The following RNF213 variants were observed in gnomAD, a reference collection of about 807,000 sequenced individuals.
RNF213 encodes E3 ubiquitin-protein ligase RNF213.
Under a neutral mutation model 514.4 loss-of-function variants are expected in RNF213, and 341 were observed. That is an observed-to-expected ratio of 0.66 (90% confidence interval 0.61 to 0.73). The LOEUF (loss-of-function observed/expected upper bound fraction) is 0.73. Among genes scored for constraint, RNF213 ranks in the 30% least tolerant of loss-of-function variants. The probability of loss-of-function intolerance (pLI) is 0.00; values close to 1 mark genes in which losing one functional copy is unlikely to be tolerated. For synonymous variants in RNF213, 2,655 were observed against 2,658.2 expected, an observed-to-expected ratio of 1.00 and a Z score of 0.04; for missense variants, 5,767 against 6,615.6, an observed-to-expected ratio of 0.87 and a Z score of 4.45.
intron 23 of RNF213, among the ~76,000 whole-genome samples, chr17:80,337,150 G>A (rs570164642): frequency 1.3e-5 from 2 of 152,260 alleles, no homozygotes; most frequent in South Asian, 4.1e-4. Context: ...TTCTCTTATT[G>A]TACTTGGGGA....
rs774391200 is a variant in RNF213 at position 80,289,681 on chromosome 17, A to T, written c.956A>T (p.Asp319Val). The T allele has an allele frequency of 3.1e-6, 5 of 1,613,994 alleles. No homozygotes were observed. The Admixed American group carries it at 8.3e-5, about 27-fold the overall frequency. Residue 319 changes from aspartate (D) to valine (V), a missense_variant, in exon 6 of 68, where the codon GAC becomes GTC. Transcript: ENST00000582970. The stretch of plus-strand genomic sequence containing the variant: ...CAGGAAGCTGAGACCAAGACCAAGG[A>T]CGAGATGGCTGCTGCTGAAGAAAAA... Reference protein sequence around the residue: ...HCQEAETKTKDEMAAAEEKVG... With the variant: ...HCQEAETKTKVEMAAAEEKVG...
intron 2 of RNF213, among the ~76,000 whole-genome samples, chr17:80,272,720 T>C (rs576058424): frequency 4.1e-4 from 62 of 151,798 alleles, no homozygotes; most frequent in African/African-American, 1.5e-3. Context: ...GCTGGCAGAG[T>C]GGGTGCTCCA....
intron 47 of RNF213, 49 bp from the exon 48 acceptor site, chr17:80,372,472 C>A: frequency 7.3e-7 from 1 of 1,374,184 alleles, no homozygotes; most frequent in Non-Finnish European, 1.0e-6. Context: ...TTGGGGCATC[C>A]ATGTTTAAAA....
intron 37 of RNF213, among the ~76,000 whole-genome samples, chr17:80,359,524 CAAAAAAAAAAAAAA>C (rs559552051): frequency 3.1e-5 from 1 of 32,488 alleles, no homozygotes; most frequent in Non-Finnish European, 5.0e-5. Context: ...GACTCTATCT[CAAAAAAAAAAAAAA>C]AAAAAAAAAA....
At chr17:80,349,408 G>A (rs1047451219) in intron 29 of RNF213, among the ~76,000 whole-genome samples, 3 of 152,176 alleles carry the variant, frequency 2.0e-5, no homozygotes, top group African/African-American at 7.2e-5. Flanking sequence ...CACCAACCAC[G>A]AACTCCATCT....
chr17:80,294,604 C>T, intron 8 of RNF213, 116 bp from the exon 9 acceptor site: 1 of 1,298,720 alleles, frequency 7.7e-7, no homozygotes, highest in South Asian at 1.2e-5. Context: ...TCCTCCCTTC[C>T]TCTGCCCCAT....
At chr17:80,358,710 A>G (rs2078927129) in intron 37 of RNF213, among the ~76,000 whole-genome samples, 1 of 152,150 alleles carries the variant, frequency 6.6e-6, no homozygotes, top group Non-Finnish European at 1.5e-5. Flanking sequence ...AGAGATCAAG[A>G]CCGTCCTGGC....
rs1456841132 is a variant in RNF213, at chr17:80,288,403, G to T, written c.810+40G>T. On this transcript the variant is annotated intron_variant, in intron 4 of 67. Transcript: ENST00000582970. This position sits in a 1 kb window ranked among gnomAD's most constrained non-coding sequence, Gnocchi z 4.9. ...AGAGATGGCCTGGGAGTGGCACTGA[G>T]CCCTCGGCACCTGGGCTCTGCTGCA... The T allele has an allele frequency of 1.2e-6, 2 of 1,608,852 alleles. No homozygotes were observed. The highest frequency in any genetic ancestry group is 1.7e-6 in the Non-Finnish European group (2 of 1,179,322).
rs749304997 is a variant in RNF213 at position 80,337,722 on chromosome 17, A to C, written c.4664A>C (p.Gln1555Pro). Residue 1555 changes from glutamine to proline, a missense_variant, in exon 24 of 68, where the codon CAA becomes CCA. Physicochemically the swap from Gln to Pro is moderately conservative, Grantham distance 76 (BLOSUM62 -1). Around this residue, in one of 13 missense-constraint regions of RNF213, gnomAD observed 1,377 missense variants for 1,635.2 expected, o/e 0.84. Coordinates refer to ENST00000582970, the MANE Select transcript of RNF213 (RefSeq NM_001256071.3). ...IYVIQAPKGG[Q>P]KISPDTVLHL... Reference sequence around the variant, plus strand: ...GTGATCCAGGCGCCCAAAGGTGGCCAAAAGGTGAGCGGTCCCCAGCCCTCG... The same window carrying C: ...GTGATCCAGGCGCCCAAAGGTGGCCCAAAGGTGAGCGGTCCCCAGCCCTCG... 11 of 1,537,032 alleles carry C rather than the reference A, an allele frequency of 7.2e-6. No homozygotes were observed. In the African/African-American group the frequency reaches 1.2e-4, roughly 17 times the overall value.
intron 3 of RNF213, among the ~76,000 whole-genome samples, chr17:80,275,952 A>G (rs1419086234): frequency 6.8e-6 from 1 of 147,316 alleles, no homozygotes; most frequent in Non-Finnish European, 1.5e-5. Context: ...GTGAGCCACC[A>G]TGCCTGGCCA....
At chr17:80,337,388 C>T (rs1458836194) in intron 23 of RNF213, 198 bp from the exon 24 acceptor site, 2 of 641,940 alleles carry the variant, frequency 3.1e-6, no homozygotes, top group East Asian at 2.8e-5. Flanking sequence ...TACAAAGCAG[C>T]ACTGAGTGAC....
At chr17:80,372,818 G>C in intron 48 of RNF213, 84 bp downstream of exon 48, 1 of 1,435,358 alleles carries the variant, frequency 7.0e-7, no homozygotes, top group Non-Finnish European at 9.6e-7. Flanking sequence ...CTAGTTCTTC[G>C]AATAGACTAC....
intron 13 of RNF213, 67 bp downstream of exon 13, chr17:80,307,268 T>G: frequency 7.2e-7 from 1 of 1,384,976 alleles, no homozygotes; most frequent in Non-Finnish European, 1.0e-6. Flanking sequence ...CTGACCCCTA[T>G]AATTGGCCGT....
rs1287147737 is a variant in RNF213, at chr17:80,355,451, C to T, written c.10862+875C>T. Among the ~76,000 whole-genome samples the T allele has an allele frequency of 5.2e-4, 22 of 42,010 alleles. 1 individual carries two copies. Among genetic ancestry groups the T allele is most frequent in the Non-Finnish European group, 6.0e-4 (14 of 23,186 alleles). 27.6% of individuals were successfully genotyped at this position (42,010 alleles called of 152,430 possible). On this transcript the variant is annotated intron_variant, in intron 36 of 67. Transcript: ENST00000582970. Reference sequence around the variant, plus strand: ...CGGGGTGGATGGGAATCGGGGCTCACGGAGGAAGAGGGGTGACCGGGAATG... The same window carrying T: ...CGGGGTGGATGGGAATCGGGGCTCATGGAGGAAGAGGGGTGACCGGGAATG...
intron 15 of RNF213, chr17:80,315,912 G>A (rs1418760574): frequency 8.7e-5 from 7 of 80,754 alleles, no homozygotes; most frequent in African/African-American, 3.1e-4. Context: ...TGGTGGTGAT[G>A]GAGGTGGTGG....
chr17:80,322,979 A>G lies in RNF213; in HGVS notation c.3025-2051A>G, dbSNP rs553675168. ...TCCTAGGTGATGAAGATTTACTCCT[A>G]TGTTTATTTATCTCTAAATGTTTTA... On this transcript the variant is annotated intron_variant, in intron 17 of 67. Coordinates refer to ENST00000582970, the MANE Select transcript of RNF213 (RefSeq NM_001256071.3). Among the ~76,000 whole-genome samples the G allele has an allele frequency of 7.9e-5, 12 of 152,214 alleles. No homozygotes were observed. In the South Asian group the frequency reaches 1.5e-3, roughly 18 times the overall value.
chr17:80,290,640 C>A lies in RNF213; in HGVS notation c.1183C>A (p.Pro395Thr). The change falls in exon 7 of 68, where the codon CCT becomes ACT. Residue 395 changes from proline (P) to threonine (T), a missense_variant. This residue lies in a region of RNF213 where 509 missense variants were observed against 496.7 expected (regional missense o/e 1.02). Coordinates refer to ENST00000582970, the MANE Select transcript of RNF213 (RefSeq NM_001256071.3). ...CATCTCTCTTCATTTCCCATTCAAT[C>A]CTGACCTCCATAAAGTCTTCATCAG... Reference protein sequence around the residue: ...AIISLHFPFNPDLHKVFIRGG... With the variant: ...AIISLHFPFNTDLHKVFIRGG... 1 of 1,614,164 alleles carries A rather than the reference C, an allele frequency of 6.2e-7. No individual in the cohort carries two copies. The highest frequency in any genetic ancestry group is 8.5e-7 in the Non-Finnish European group (1 of 1,180,030).
At chr17:80,386,026 T>C (rs2080221843) in intron 61 of RNF213, among the ~76,000 whole-genome samples, 1 of 152,130 alleles carries the variant, frequency 6.6e-6, no homozygotes, top group South Asian at 2.1e-4. Context: ...AGTAAAATAA[T>C]GTGTCAGGAA....
At chr17:80,363,468 C>T in intron 40 of RNF213, 141 bp from the exon 41 acceptor site, 1 of 1,204,530 alleles carries the variant, frequency 8.3e-7, no homozygotes, top group East Asian at 2.4e-5. Context: ...ACACATCTCG[C>T]TGACGCTTCT....
Sources: gnomAD v4.1 joint callset for allele counts (sites outside exome capture counted in the v4.1 genomes callset) on GRCh38, gnomAD v4.1.1 for gene constraint, gnomAD v4.1.1 regional missense constraint, Gnocchi (gnomAD v3.1) non-coding constraint, MANE v1.5 for transcripts, NCBI Gene and HGNC (gene_info 2026-07-23, HGNC 2026-07-21) for gene names.